The following EML6 variants were observed in gnomAD, a reference collection of about 807,000 sequenced individuals.
The protein encoded by EML6 is EMAP like 6, also known as echinoderm microtubule-associated protein-like 6.
A neutral mutation model predicts 240.1 loss-of-function variants in EML6; 154 were observed. That is an observed-to-expected ratio of 0.64 (90% CI 0.56 to 0.73). The LOEUF (loss-of-function observed/expected upper bound fraction) is 0.73. EML6 is among the 30% of genes least tolerant of loss of function. EML6 has a pLI of 0.00. For synonymous variants in EML6, 1,148 were observed against 899.0 expected (o/e 1.28, Z -4.95); for missense variants, 2,964 against 2,474.6 (o/e 1.20, Z -4.20).
chr2:54,804,685 A>C (rs1670374251), intron 2 of EML6, among the ~76,000 whole-genome samples: 1 of 152,236 alleles, frequency 6.6e-6, no homozygotes, highest in African/African-American at 2.4e-5. Flanking sequence ...TGGAGACACA[A>C]AATAACAGAA....
At chr2:54,810,894 T>C (rs1263265358) in intron 2 of EML6, among the ~76,000 whole-genome samples, 1 of 152,150 alleles carries the variant, frequency 6.6e-6, no homozygotes, top group Non-Finnish European at 1.5e-5. Context: ...CCACTAAAAA[T>C]TGGATAGTTA....
intron 28 of EML6, among the ~76,000 whole-genome samples, chr2:54,929,205 G>A (rs1347624460): frequency 1.3e-5 from 2 of 152,152 alleles, no homozygotes; most frequent in African/African-American, 4.8e-5. Flanking sequence ...CATTCACTTG[G>A]TGTATCTTCT....
chr2:54,803,386 G>A (rs1335678156), intron 2 of EML6, among the ~76,000 whole-genome samples: 3 of 152,166 alleles, frequency 2.0e-5, no homozygotes, highest in African/African-American at 2.4e-5. Context: ...TGAGGGGTAA[G>A]GGGTTGACAG....
intron 11 of EML6, among the ~76,000 whole-genome samples, chr2:54,856,209 C>T (rs1385168148): frequency 6.6e-6 from 1 of 152,192 alleles, no homozygotes; most frequent in Non-Finnish European, 1.5e-5. Context: ...AGGATCAATA[C>T]TGACAGCTTT....
intron 26 of EML6, among the ~76,000 whole-genome samples, chr2:54,918,229 C>G (rs1674034393): frequency 6.6e-6 from 1 of 152,142 alleles, no homozygotes; most frequent in Non-Finnish European, 1.5e-5. Flanking sequence ...TCATGTCATC[C>G]TCTGCTTTCA....
intron 2 of EML6, among the ~76,000 whole-genome samples, chr2:54,800,773 T>C (rs1398298182): frequency 2.0e-5 from 3 of 152,010 alleles, no homozygotes; most frequent in Non-Finnish European, 2.9e-5. Context: ...TGAAAACCAA[T>C]ACGGGGGAAG....
At chr2:54,792,537 A>G (rs1669510224) in intron 2 of EML6, among the ~76,000 whole-genome samples, 4 of 152,230 alleles carry the variant, frequency 2.6e-5, no homozygotes, top group Admixed American at 2.6e-4. Context: ...ATTGCCAGAC[A>G]CAAGGGGCAC....
At position 54,774,602 on chromosome 2, in the gene EML6, C is replaced by A. The variant is rs544507399; in HGVS notation, c.198-38630C>A. 1.2e-4 allele frequency among the ~76,000 whole-genome samples: 19 copies of A among 152,312 alleles called. No individual in the cohort carries two copies. The South Asian group carries it at 3.9e-3, about 32-fold the overall frequency. ...GTTGTAAGGATCAAATAAAATAAAA[C>A]ATAGAGGTCCTTTTGCAAGAGGACC... On this transcript the variant is annotated intron_variant, in intron 2 of 41. Transcript: ENST00000356458. The surrounding 1 kb of genome is among the most constrained non-coding windows in gnomAD (Gnocchi z 4.1).
chr2:54,907,945 TAAGATAGATAGATAGATAGATAGA>T lies in EML6; in HGVS notation c.3410-3008_3410-2985del, dbSNP rs1673428329. On this transcript the variant is annotated intron_variant, in intron 24 of 41. Coordinates refer to ENST00000356458, the MANE Select transcript of EML6 (RefSeq NM_001039753.4). The stretch of plus-strand genomic sequence containing the variant: ...ATAGATAGATAGATAGATAGATAGA[TAAGATAGATAGATAGATAGATAGA>T]TAGATAGATAGATAGATAGATAGAT... Among the ~76,000 whole-genome samples the T allele has an allele frequency of 9.1e-5, 2 of 22,078 alleles. 1 individual carries two copies. Among genetic ancestry groups the T allele is most frequent in the Non-Finnish European group, 2.1e-4 (2 of 9,562 alleles). 14.5% of individuals were successfully genotyped at this position (22,078 alleles called of 152,430 possible).
At chr2:54,893,511 C>A (rs1473446413) in intron 19 of EML6, among the ~76,000 whole-genome samples, 1 of 152,168 alleles carries the variant, frequency 6.6e-6, no homozygotes, top group Non-Finnish European at 1.5e-5. Flanking sequence ...TCTGAAAGTT[C>A]CCACATCTTA....
At chr2:54,862,214 C>G (rs2103847952) in intron 12 of EML6, among the ~76,000 whole-genome samples, 1 of 151,840 alleles carries the variant, frequency 6.6e-6, no homozygotes, top group East Asian at 1.9e-4. Flanking sequence ...TGGAGCACAT[C>G]TGTAATCCCA....
chr2:54,762,619 T>C (rs1668026067), intron 2 of EML6, among the ~76,000 whole-genome samples: 1 of 152,212 alleles, frequency 6.6e-6, no homozygotes, highest in Admixed American at 6.5e-5. Flanking sequence ...TCTGCTATAA[T>C]AAAGTGCTTC....
intron 28 of EML6, among the ~76,000 whole-genome samples, chr2:54,932,064 A>T (rs536158465): frequency 1.2e-4 from 19 of 152,338 alleles, no homozygotes; most frequent in South Asian, 2.1e-4. Flanking sequence ...TGCTAATTAC[A>T]TTGTGAGTTC....
At position 54,934,572 on chromosome 2, in the gene EML6, C is replaced by T. The variant is rs1675036984; in HGVS notation, c.4004+5821C>T. ...TATATATTTATATTTATATTTGAGA[C>T]TGGGTCTGGCTCTGTTGCCCAGAGT... is the stretch of plus-strand genomic sequence containing the variant. On this transcript the variant is annotated intron_variant, in intron 28 of 41. Transcript: ENST00000356458. 2.0e-5 allele frequency among the ~76,000 whole-genome samples: 3 copies of T among 151,980 alleles called. No individual in the cohort carries two copies. In the South Asian group the frequency reaches 6.2e-4, roughly 31 times the overall value.
chr2:54,730,399 T>G lies in EML6; in HGVS notation c.197+5141T>G, dbSNP rs987525765. Among the ~76,000 whole-genome samples the G allele has an allele frequency of 2.6e-5, 4 of 152,294 alleles. No individual in the cohort carries two copies. In the East Asian group the frequency reaches 7.7e-4, roughly 29 times the overall value. On this transcript the variant is annotated intron_variant, in intron 2 of 41. Transcript: ENST00000356458. ...GCCTAGAGATGTGACTTTATATTCT[T>G]TAGTCCCTTGACCAGTTTGAATAAG...
At chr2:54,771,938 A>G (rs1333262800) in intron 2 of EML6, among the ~76,000 whole-genome samples, 1 of 152,220 alleles carries the variant, frequency 6.6e-6, no homozygotes, top group Non-Finnish European at 1.5e-5. Flanking sequence ...ACTCAGTGTT[A>G]ACTAGGACCC....
At chr2:54,779,867 A>G (rs1354081723) in intron 2 of EML6, among the ~76,000 whole-genome samples, 43 of 83,248 alleles carry the variant, frequency 5.2e-4, no homozygotes, top group Admixed American at 4.5e-3. Context: ...AAAAAAAAGA[A>G]AAAAAAAAAA....
chr2:54,859,482 T>A lies in EML6; in HGVS notation c.1658-52T>A, dbSNP rs529753527. The A allele has an allele frequency of 5.0e-5, 72 of 1,443,920 alleles. No individual in the cohort carries two copies. The South Asian group carries it at 8.3e-4, about 17-fold the overall frequency. The allele number at this position is 1,443,920 out of a possible 1,614,324, so 89.4% of individuals were successfully genotyped here. ...GAACAGAAGGGGGGTTGTTTTAAACTAATGAACTCTTCTTTTTTCATAACT... is the reference window on the plus strand; with the variant it reads ...GAACAGAAGGGGGGTTGTTTTAAACAAATGAACTCTTCTTTTTTCATAACT... On this transcript the variant is annotated intron_variant, in intron 11 of 41. Transcript: ENST00000356458.
chr2:54,810,497 G>A (rs893952985), intron 2 of EML6, among the ~76,000 whole-genome samples: 1 of 152,208 alleles, frequency 6.6e-6, no homozygotes, highest in African/African-American at 2.4e-5. Context: ...GCTTCTGGAT[G>A]CTTCAGAATC....
Sources: allele counts gnomAD v4.1 joint callset (sites outside exome capture counted in the v4.1 genomes callset), GRCh38; gene constraint gnomAD v4.1.1; non-coding constraint Gnocchi (gnomAD v3.1); transcripts MANE v1.5; gene names NCBI Gene and HGNC (gene_info 2026-07-23, HGNC 2026-07-21).